HS3ST4: variants seen among roughly 807,000 people sequenced by gnomAD.
HS3ST4 encodes heparan sulfate-glucosamine 3-sulfotransferase 4.
Under a neutral mutation model 29.2 loss-of-function variants are expected in HS3ST4, and 17 were observed. That is an observed-to-expected ratio of 0.58 (90% confidence interval 0.40 to 0.87). The LOEUF is 0.87. Ranked by LOEUF, HS3ST4 falls within the 40% of genes least tolerant of loss-of-function variation. HS3ST4 has a pLI of 0.00. For synonymous variants in HS3ST4, 314 were observed against 285.7 expected (o/e 1.10, Z -1.00); for missense variants, 627 against 634.5 (o/e 0.99, Z 0.13).
chr16:26,006,746 G>C, intron 1 of HS3ST4, among the ~76,000 whole-genome samples: 1 of 152,180 alleles, frequency 6.6e-6, no homozygotes, highest in Middle Eastern at 3.2e-3. Context: ...GGAGTAATTG[G>C]AGAAGTTGCA....
At position 25,784,103 on chromosome 16, in the gene HS3ST4, A is replaced by G. The variant is rs530064518; in HGVS notation, c.734+90952A>G. 2.0e-5 allele frequency among the ~76,000 whole-genome samples: 3 copies of G among 152,280 alleles called. No homozygotes were observed. In the South Asian group the frequency reaches 6.2e-4, roughly 32 times the overall value. ...GTGATCAGTGATCTTTGATGTTACC[A>G]TTGTAATTATTTTGGGGCATCATGA... is the stretch of plus-strand genomic sequence containing the variant. On this transcript the variant is annotated intron_variant, in intron 1 of 1. Coordinates refer to ENST00000331351, the MANE Select transcript of HS3ST4 (RefSeq NM_006040.3).
chr16:25,831,585 T>C (rs1967300970), intron 1 of HS3ST4, among the ~76,000 whole-genome samples: 1 of 151,966 alleles, frequency 6.6e-6, no homozygotes, highest in East Asian at 1.9e-4. Context: ...AGTGAGACCC[T>C]GTCCAAAAAA....
intron 1 of HS3ST4, among the ~76,000 whole-genome samples, chr16:25,997,845 A>G (rs1209507970): frequency 6.6e-6 from 1 of 152,190 alleles, no homozygotes; most frequent in Admixed American, 6.5e-5. Flanking sequence ...TAAATAAATT[A>G]TTCCCTAAAG....
At chr16:25,829,936 A>T (rs1414222891) in intron 1 of HS3ST4, among the ~76,000 whole-genome samples, 1 of 152,078 alleles carries the variant, frequency 6.6e-6, no homozygotes, top group Non-Finnish European at 1.5e-5. Context: ...CGAGTCTCCC[A>T]CCTCAGCCTC....
Position 26,029,600 on chromosome 16 carries a change from A to G in HS3ST4, c.735-106012A>G, listed in dbSNP as rs567834276. Among the ~76,000 whole-genome samples, 6 of 152,218 alleles carry G rather than the reference A, an allele frequency of 3.9e-5. No individual in the cohort carries two copies. The South Asian group carries it at 1.2e-3, about 32-fold the overall frequency. ...GCTAATTTTTGAATTTTTAGTAGAG[A>G]TGGGGTTTCACCATGTTGGCCAGGC... is the stretch of plus-strand genomic sequence containing the variant. On this transcript the variant is annotated intron_variant, in intron 1 of 1. Transcript: ENST00000331351.
chr16:25,882,187 G>T (rs1032552821), intron 1 of HS3ST4, among the ~76,000 whole-genome samples: 1 of 152,184 alleles, frequency 6.6e-6, no homozygotes, highest in Non-Finnish European at 1.5e-5. Flanking sequence ...GGCAACCCAG[G>T]ATGAACACAT....
intron 1 of HS3ST4, among the ~76,000 whole-genome samples, chr16:25,827,504 A>G (rs911632596): frequency 6.9e-6 from 1 of 145,834 alleles, no homozygotes; most frequent in African/African-American, 2.5e-5. Context: ...TTAATTGTCA[A>G]TGTAATAAAC....
intron 1 of HS3ST4, among the ~76,000 whole-genome samples, chr16:26,007,841 C>T (rs1241468371): frequency 6.6e-6 from 1 of 152,086 alleles, no homozygotes; most frequent in Non-Finnish European, 1.5e-5. Context: ...CTTTCTTCCC[C>T]CGCCCACCAC....
At chr16:25,821,241 TAG>T (rs949486347) in intron 1 of HS3ST4, among the ~76,000 whole-genome samples, 11 of 151,920 alleles carry the variant, frequency 7.2e-5, no homozygotes, top group African/African-American at 2.7e-4. Flanking sequence ...GTATTTTTAG[TAG>T]AGACGGGGTT....
At chr16:25,888,932 G>A (rs76864033) in intron 1 of HS3ST4, among the ~76,000 whole-genome samples, 9,168 of 152,172 alleles carry the variant, frequency 0.06, 333 homozygotes, top group East Asian at 0.17. Context: ...CCCAGTCATG[G>A]CAACCATCCC....
intron 1 of HS3ST4, among the ~76,000 whole-genome samples, chr16:25,999,189 C>T (rs1969182947): frequency 6.6e-6 from 1 of 152,052 alleles, no homozygotes; most frequent in Non-Finnish European, 1.5e-5. Flanking sequence ...TCACCTTAGG[C>T]AGGTGAGGCA....
At chr16:25,726,435 G>A (rs4238918) in intron 1 of HS3ST4, among the ~76,000 whole-genome samples, 1 of 151,958 alleles carries the variant, frequency 6.6e-6, no homozygotes, top group African/African-American at 2.4e-5. Flanking sequence ...GAACAAATGG[G>A]TATGAAACAC....
In HS3ST4 at chr16:26,099,181, G is replaced by T. The variant is rs113118612; in HGVS notation, c.735-36431G>T. Among the ~76,000 whole-genome samples the T allele has an allele frequency of 7.2e-4, 110 of 152,234 alleles. 1 individual carries two copies. The East Asian group carries it at 0.02, about 27-fold the overall frequency. The stretch of plus-strand genomic sequence containing the variant: ...AGAGCTAATTTTTTTTAGAGACAGG[G>T]TCTTGCTCTGCTGCCCAGGTTGCAG... On this transcript the variant is annotated intron_variant, in intron 1 of 1. Coordinates refer to ENST00000331351, the MANE Select transcript of HS3ST4 (RefSeq NM_006040.3).
chr16:25,974,404 G>T lies in HS3ST4; in HGVS notation c.735-161208G>T, dbSNP rs377708983. ...AGCCATTTTTCAACACCATATCCTG[G>T]GAAGACCTCTGTTTTGAAAATTGTG... On this transcript the variant is annotated intron_variant, in intron 1 of 1. Transcript: ENST00000331351. 6.3e-4 allele frequency among the ~76,000 whole-genome samples: 96 copies of T among 152,206 alleles called. No individual in the cohort carries two copies. The Middle Eastern group carries it at 0.01, about 16-fold the overall frequency.
intron 1 of HS3ST4, among the ~76,000 whole-genome samples, chr16:26,076,275 C>T (rs1362243126): frequency 6.6e-6 from 1 of 152,158 alleles, no homozygotes; most frequent in Non-Finnish European, 1.5e-5. Flanking sequence ...TCAGTAGGAG[C>T]ACGGTGTTTA....
At chr16:26,091,909 G>A (rs1356861285) in intron 1 of HS3ST4, among the ~76,000 whole-genome samples, 1 of 152,118 alleles carries the variant, frequency 6.6e-6, no homozygotes, top group Non-Finnish European at 1.5e-5. Context: ...TTAGTGTGGG[G>A]GCACAGCTGT....
intron 1 of HS3ST4, among the ~76,000 whole-genome samples, chr16:25,710,776 A>G (rs1309844699): frequency 1.4e-5 from 2 of 145,330 alleles, no homozygotes; most frequent in Non-Finnish European, 3.0e-5. Context: ...TGTGATTTCT[A>G]ATTTCCAGCA....
intron 1 of HS3ST4, among the ~76,000 whole-genome samples, chr16:26,013,908 C>T (rs779528625): frequency 1.3e-4 from 20 of 151,670 alleles, no homozygotes; most frequent in Admixed American, 5.9e-4. Flanking sequence ...CTCTGGTGGC[C>T]GAGGCAGGAG....
intron 1 of HS3ST4, among the ~76,000 whole-genome samples, chr16:26,107,387 T>A (rs1223379654): frequency 1.3e-5 from 2 of 151,456 alleles, no homozygotes; most frequent in East Asian, 1.9e-4. Context: ...CACACACACA[T>A]ACATGCACAT....
Sources: gnomAD v4.1 joint callset for allele counts (sites outside exome capture counted in the v4.1 genomes callset) on GRCh38, gnomAD v4.1.1 for gene constraint, MANE v1.5 for transcripts, NCBI Gene and HGNC (gene_info 2026-07-23, HGNC 2026-07-21) for gene names.